SEMA3A: variants seen among roughly 807,000 people sequenced by gnomAD.
The protein encoded by SEMA3A is semaphorin 3A, also known as semaphorin-3A.
A neutral mutation model predicts 97.9 loss-of-function variants in SEMA3A; 29 were observed. That is an observed-to-expected ratio of 0.30 (90% CI 0.22 to 0.40). The LOEUF (loss-of-function observed/expected upper bound fraction) is 0.40, where lower values mean the gene tolerates loss of function less well. SEMA3A is among the 10% of genes least tolerant of loss of function. The pLI, the probability that SEMA3A is intolerant of heterozygous loss-of-function variation, is 1.00. For synonymous variants in SEMA3A, 321 were observed against 323.7 expected (o/e 0.99, Z 0.09); for missense variants, 763 against 951.3 (o/e 0.80, Z 2.60).
chr7:84,163,581 T>C (rs1037586564), intron 1 of SEMA3A, among the ~76,000 whole-genome samples: 1 of 152,108 alleles, frequency 6.6e-6, no homozygotes, highest in Non-Finnish European at 1.5e-5. Context: ...AAATATGACA[T>C]TGGAAGAAAG....
intron 1 of SEMA3A, among the ~76,000 whole-genome samples, chr7:84,440,395 T>C (rs966965332): frequency 6.6e-6 from 1 of 152,124 alleles, no homozygotes; most frequent in Non-Finnish European, 1.5e-5. Context: ...GTAGGTAAAA[T>C]GGGTCTTGCT....
chr7:84,099,625 A>T (rs1239605416), intron 4 of SEMA3A, among the ~76,000 whole-genome samples: 2 of 152,182 alleles, frequency 1.3e-5, no homozygotes, highest in African/African-American at 2.4e-5. Context: ...AACAAGTTTG[A>T]CTAATTCACA....
At chr7:84,109,084 G>C (rs1795205796) in intron 4 of SEMA3A, among the ~76,000 whole-genome samples, 1 of 151,990 alleles carries the variant, frequency 6.6e-6, no homozygotes, top group African/African-American at 2.4e-5. Context: ...CAATCACCTT[G>C]GGCCCAAGTT....
chr7:84,032,576 A>C (rs1448756043), intron 6 of SEMA3A, among the ~76,000 whole-genome samples: 1 of 152,184 alleles, frequency 6.6e-6, no homozygotes, highest in Non-Finnish European at 1.5e-5. Context: ...TCAAGGCAGA[A>C]AAGCAGATAA....
chr7:84,036,139 T>C (rs984687600), intron 6 of SEMA3A, among the ~76,000 whole-genome samples: 1 of 151,918 alleles, frequency 6.6e-6, no homozygotes, highest in Non-Finnish European at 1.5e-5. Context: ...AGCCTGAAAA[T>C]CAATGGAATC....
intron 1 of SEMA3A, among the ~76,000 whole-genome samples, chr7:84,148,219 T>TTTTTC (rs139925413): frequency 6.6e-6 from 1 of 152,000 alleles, no homozygotes; most frequent in Non-Finnish European, 1.5e-5. Flanking sequence ...CCTGGCTCCT[T>TTTTTC]TTTTCTTTTC....
chr7:84,114,423 T>C (rs1272707146), intron 3 of SEMA3A, among the ~76,000 whole-genome samples: 1 of 152,120 alleles, frequency 6.6e-6, no homozygotes, highest in East Asian at 1.9e-4. Flanking sequence ...GCATATAACA[T>C]TGACTCAGGT....
chr7:84,270,290 T>G (rs892322932), intron 3 of SEMA3A, among the ~76,000 whole-genome samples: 3 of 151,986 alleles, frequency 2.0e-5, no homozygotes, highest in Non-Finnish European at 2.9e-5. Flanking sequence ...AGTACACACA[T>G]CTGTATAGTT....
intron 1 of SEMA3A, among the ~76,000 whole-genome samples, chr7:84,447,115 G>A (rs1805434486): frequency 6.6e-6 from 1 of 152,158 alleles, no homozygotes; most frequent in Non-Finnish European, 1.5e-5. Context: ...ATCACGACCT[G>A]GCCAGGTGTG....
chr7:84,482,983 G>T (rs554037096), intron 1 of SEMA3A, among the ~76,000 whole-genome samples: 1 of 150,460 alleles, frequency 6.6e-6, no homozygotes, highest in East Asian at 2.0e-4. Flanking sequence ...ATGTTTACTT[G>T]TAGGTGTAGT....
At chr7:84,371,745 T>C (rs1318880490) in intron 2 of SEMA3A, 2 of 151,942 alleles carry the variant, frequency 1.3e-5, no homozygotes, top group Admixed American at 1.3e-4. Context: ...TCCTTAAAAC[T>C]TTTTCGGTTC....
At chr7:84,037,683 AC>A (rs1442128123) in intron 6 of SEMA3A, among the ~76,000 whole-genome samples, 3 of 152,112 alleles carry the variant, frequency 2.0e-5, no homozygotes, top group Non-Finnish European at 4.4e-5. Flanking sequence ...ACAAAACTGC[AC>A]CCATATTAAT....
chr7:84,319,791 C>A (rs1368028489), intron 2 of SEMA3A, among the ~76,000 whole-genome samples: 1 of 151,972 alleles, frequency 6.6e-6, no homozygotes, highest in Non-Finnish European at 1.5e-5. Flanking sequence ...TTCACTAGAT[C>A]CTCTTATTTA....
At chr7:84,065,003 G>A (rs1793421775) in intron 4 of SEMA3A, among the ~76,000 whole-genome samples, 1 of 152,056 alleles carries the variant, frequency 6.6e-6, no homozygotes, top group Admixed American at 6.5e-5. Flanking sequence ...TTCCAAAATT[G>A]ACCACATACT....
chr7:84,219,816 A>G (rs982040953), intron 3 of SEMA3A, among the ~76,000 whole-genome samples: 1 of 152,098 alleles, frequency 6.6e-6, no homozygotes. Flanking sequence ...CTTTTATGTT[A>G]TGAAAATGGC....
chr7:84,052,183 G>C (rs1392579683), intron 5 of SEMA3A, among the ~76,000 whole-genome samples: 2 of 151,632 alleles, frequency 1.3e-5, no homozygotes, highest in Non-Finnish European at 3.0e-5. Context: ...TTTTTTGGTT[G>C]TGTCTCTGCC....
At chr7:84,148,043 G>A (rs996957632) in intron 1 of SEMA3A, among the ~76,000 whole-genome samples, 1 of 151,544 alleles carries the variant, frequency 6.6e-6, no homozygotes, top group African/African-American at 2.4e-5. Context: ...CTGAGTAGCT[G>A]GTATTACAGG....
intron 2 of SEMA3A, among the ~76,000 whole-genome samples, chr7:84,311,360 G>A (rs1801312026): frequency 6.6e-6 from 1 of 152,038 alleles, no homozygotes; most frequent in South Asian, 2.1e-4. Context: ...ATGTATTTGA[G>A]TAAATGAAGG....
chr7:84,063,856 T>C (rs1793361363), intron 4 of SEMA3A, among the ~76,000 whole-genome samples: 1 of 149,550 alleles, frequency 6.7e-6, no homozygotes, highest in African/African-American at 2.5e-5. Context: ...CAGGATATTA[T>C]CCAGGAGAAC....
Sources: allele counts gnomAD v4.1 joint callset (sites outside exome capture counted in the v4.1 genomes callset), GRCh38; gene constraint gnomAD v4.1.1; transcripts MANE v1.5; gene names NCBI Gene and HGNC (gene_info 2026-07-23, HGNC 2026-07-21).